IL1RAPL1: variants seen among roughly 807,000 people sequenced by gnomAD.
IL1RAPL1 encodes the protein interleukin 1 receptor accessory protein like 1.
Under a neutral mutation model 48.4 loss-of-function variants are expected in IL1RAPL1, and 3 were observed. That is an observed-to-expected ratio of 0.06 (90% confidence interval 0.03 to 0.16). The LOEUF is 0.16. Ranked by LOEUF, IL1RAPL1 falls within the 10% of genes least tolerant of loss-of-function variation. The pLI, the probability that IL1RAPL1 is intolerant of heterozygous loss-of-function variation, is 1.00. For missense variants in IL1RAPL1, 349 were observed against 530.6 expected (o/e 0.66, Z 3.36); for synonymous variants, 185 against 187.7 (o/e 0.99, Z 0.12).
At chrX:29,105,044 T>C (rs1928421096) in intron 2 of IL1RAPL1, among the ~76,000 whole-genome samples, 1 of 111,750 alleles carries the variant, frequency 8.9e-6, no homozygotes, top group Non-Finnish European at 1.9e-5. Flanking sequence ...TATGAAAAGA[T>C]TTCTGCTTCC....
chrX:29,347,404 G>T (rs376005109), intron 3 of IL1RAPL1, among the ~76,000 whole-genome samples: 594 of 56,434 alleles, frequency 0.011, 1 homozygote, highest in African/African-American at 0.026. Context: ...TTTTTTTTTT[G>T]GAGAGAGAGG....
intron 6 of IL1RAPL1, among the ~76,000 whole-genome samples, chrX:29,794,253 G>A (rs1929694871): frequency 9.0e-6 from 1 of 111,239 alleles, no homozygotes; most frequent in Non-Finnish European, 1.9e-5. Context: ...CAAATATTGA[G>A]TATAAATTAT....
chrX:29,868,383 C>T (rs1931736649), intron 6 of IL1RAPL1, among the ~76,000 whole-genome samples: 1 of 112,125 alleles, frequency 8.9e-6, no homozygotes, highest in African/African-American at 3.2e-5. Context: ...TTTATGCCCC[C>T]AGATATTTTG....
chrX:28,960,692 T>C (rs1000199226), intron 2 of IL1RAPL1, among the ~76,000 whole-genome samples: 4 of 111,475 alleles, frequency 3.6e-5, no homozygotes, highest in African/African-American at 1.3e-4. Context: ...GTTGCTGTTA[T>C]TGCAGTTGTT....
chrX:29,916,542 T>TACAAG (rs1184605583), intron 6 of IL1RAPL1, among the ~76,000 whole-genome samples: 2 of 111,607 alleles, frequency 1.8e-5, no homozygotes, highest in South Asian at 3.8e-4. Context: ...AATCCAGACT[T>TACAAG]ACAAGACCCC....
At chrX:29,585,871 T>G (rs1021250691) in intron 5 of IL1RAPL1, among the ~76,000 whole-genome samples, 1 of 106,132 alleles carries the variant, frequency 9.4e-6, no homozygotes, top group Non-Finnish European at 1.9e-5. Flanking sequence ...TACTAGTGTG[T>G]TTTTCTGTTT....
intron 5 of IL1RAPL1, among the ~76,000 whole-genome samples, chrX:29,632,295 C>T (rs775516773): frequency 9.1e-6 from 1 of 109,551 alleles, no homozygotes; most frequent in East Asian, 2.9e-4. Flanking sequence ...ACTACAGGCG[C>T]CCGCCACCAC....
At chrX:28,756,907 AC>A (rs1936111985) in intron 1 of IL1RAPL1, among the ~76,000 whole-genome samples, 1 of 110,972 alleles carries the variant, frequency 9.0e-6, no homozygotes, top group Non-Finnish European at 1.9e-5. Context: ...AGTTAGAACA[AC>A]CCTTTTCACA....
At chrX:28,747,601 A>G (rs1334619202) in intron 1 of IL1RAPL1, among the ~76,000 whole-genome samples, 1 of 112,203 alleles carries the variant, frequency 8.9e-6, no homozygotes, top group East Asian at 2.8e-4. Flanking sequence ...AGATTTCACT[A>G]CTGCATCCCG....
At chrX:29,527,097 C>T (rs1371095391) in intron 5 of IL1RAPL1, among the ~76,000 whole-genome samples, 1 of 110,756 alleles carries the variant, frequency 9.0e-6, no homozygotes, top group East Asian at 2.8e-4. Context: ...GAACCAAATA[C>T]ATATAGAATT....
At chrX:29,836,215 G>A (rs1452801777) in intron 6 of IL1RAPL1, among the ~76,000 whole-genome samples, 5 of 98,756 alleles carry the variant, frequency 5.1e-5, no homozygotes, top group East Asian at 3.1e-4. Context: ...TTTCTGAGAC[G>A]GAGTCTCACT....
intron 1 of IL1RAPL1, among the ~76,000 whole-genome samples, chrX:28,777,363 C>T (rs1328396849): frequency 2.7e-5 from 3 of 111,966 alleles, no homozygotes; most frequent in Non-Finnish European, 3.8e-5. Context: ...ATCACATCTA[C>T]AGAGTTCCTT....
At chrX:29,576,522 A>T (rs1282758260) in intron 5 of IL1RAPL1, among the ~76,000 whole-genome samples, 2 of 111,705 alleles carry the variant, frequency 1.8e-5, no homozygotes, top group African/African-American at 6.5e-5. Flanking sequence ...TTTTTTAAAG[A>T]TCCTTTTGGT....
At chrX:29,795,649 G>A (rs1226940038) in intron 6 of IL1RAPL1, among the ~76,000 whole-genome samples, 2 of 112,956 alleles carry the variant, frequency 1.8e-5, no homozygotes, top group Non-Finnish European at 3.7e-5. Flanking sequence ...GGACTCAAGC[G>A]ATCCACCTGC....
intron 8 of IL1RAPL1, among the ~76,000 whole-genome samples, chrX:29,931,108 G>A (rs1932943808): frequency 9.0e-6 from 1 of 110,771 alleles, no homozygotes; most frequent in African/African-American, 3.3e-5. Context: ...GTAATGGTAG[G>A]GTCTCCTATT....
chrX:28,979,928 G>T (rs950008063), intron 2 of IL1RAPL1, among the ~76,000 whole-genome samples: 1 of 112,330 alleles, frequency 8.9e-6, no homozygotes, highest in African/African-American at 3.2e-5. Context: ...TCTCTGTGAT[G>T]CAAGTTCATC....
chrX:28,718,333 ATAAAC>A (rs770706119), intron 1 of IL1RAPL1, among the ~76,000 whole-genome samples: 3 of 112,192 alleles, frequency 2.7e-5, no homozygotes, highest in African/African-American at 9.7e-5. Flanking sequence ...GAATTAAAAA[ATAAAC>A]TAAACCAGAC....
intron 2 of IL1RAPL1, chrX:28,942,700 T>G (rs1024127067): frequency 9.4e-6 from 1 of 106,663 alleles, no homozygotes; most frequent in Non-Finnish European, 2.0e-5. Context: ...GTAAGTTTTA[T>G]AATGACTTAG....
chrX:29,789,195 T>G (rs773336968), intron 6 of IL1RAPL1, among the ~76,000 whole-genome samples: 1 of 112,118 alleles, frequency 8.9e-6, no homozygotes, highest in African/African-American at 3.2e-5. Context: ...GAAATTATCT[T>G]TTGAGTGCGT....
Sources: allele counts gnomAD v4.1 joint callset (sites outside exome capture counted in the v4.1 genomes callset), GRCh38; gene constraint gnomAD v4.1.1; transcripts MANE v1.5; gene names NCBI Gene and HGNC (gene_info 2026-07-23, HGNC 2026-07-21).